Variants in NRXN3 observed in about 807,000 individuals in gnomAD.
The protein encoded by NRXN3 is neurexin III.
NRXN3 carries 32 observed loss-of-function variants against 137.6 expected under a neutral mutation model. The observed-to-expected ratio is 0.23, with a 90% CI of 0.18 to 0.31. The LOEUF (loss-of-function observed/expected upper bound fraction) is 0.31. Ranked by LOEUF, NRXN3 falls within the 10% of genes least tolerant of loss-of-function variation. NRXN3 has a pLI of 1.00. For synonymous variants in NRXN3, 798 were observed against 784.5 expected, an observed-to-expected ratio of 1.02 and a Z score of -0.29; for missense variants, 1,574 against 2,062.5, an observed-to-expected ratio of 0.76 and a Z score of 4.59.
chr14:79,224,796 T>A (rs1359897806), intron 15 of NRXN3, among the ~76,000 whole-genome samples: 1 of 152,048 alleles, frequency 6.6e-6, no homozygotes, highest in African/African-American at 2.4e-5. Context: ...TGGCCAGTAA[T>A]GATGAAGGCA....
intron 6 of NRXN3, among the ~76,000 whole-genome samples, chr14:78,689,950 C>T (rs1182769765): frequency 6.6e-6 from 1 of 151,884 alleles, no homozygotes; most frequent in African/African-American, 2.4e-5. Context: ...CTCACTTCTC[C>T]AACTCAGTTC....
rs1034800218 is a variant in NRXN3 at position 79,085,532 on chromosome 14, GTCT to G, written c.3262+97397_3262+97399del. Among the ~76,000 whole-genome samples the G allele has an allele frequency of 1.2e-4, 19 of 152,182 alleles. 1 individual carries two copies. The highest frequency in any genetic ancestry group is 4.6e-4 in the Admixed American group (7 of 15,274). On this transcript the variant is annotated intron_variant, in intron 15 of 20. Transcript: ENST00000335750. ...TATTTTTACTGTTAATGGGAAAATGGTCTTCTTCAAAAAGGAAAAATCAAACTT... is the reference window on the plus strand; with the variant it reads ...TATTTTTACTGTTAATGGGAAAATGGTCTTCAAAAAGGAAAAATCAAACTT...
chr14:79,276,720 A>AG (rs1179950885), intron 15 of NRXN3, among the ~76,000 whole-genome samples: 1 of 151,904 alleles, frequency 6.6e-6, no homozygotes, highest in Non-Finnish European at 1.5e-5. Flanking sequence ...AAAAAAAAAA[A>AG]AAAAAAAGAA....
intron 4 of NRXN3, among the ~76,000 whole-genome samples, chr14:78,616,012 C>T (rs1601411491): frequency 6.6e-6 from 1 of 152,182 alleles, no homozygotes; most frequent in Non-Finnish European, 1.5e-5. Flanking sequence ...ATGTCTCCAT[C>T]TCTACTGTCA....
At chr14:79,672,284 T>C (rs964419810) in intron 17 of NRXN3, among the ~76,000 whole-genome samples, 7 of 152,066 alleles carry the variant, frequency 4.6e-5, no homozygotes, top group African/African-American at 1.7e-4. Flanking sequence ...TTAAATGTTA[T>C]AAATATTATA....
chr14:79,240,015 G>GA (rs1247229149), intron 15 of NRXN3, among the ~76,000 whole-genome samples: 1 of 152,102 alleles, frequency 6.6e-6, no homozygotes, highest in African/African-American at 2.4e-5. Flanking sequence ...TGGGTAGGGG[G>GA]AATGGAGAGA....
rs570932289 is a variant in NRXN3, at chr14:78,437,943, A to T, written c.757+140083A>T. Among the ~76,000 whole-genome samples, 3 of 152,268 alleles carry T rather than the reference A, an allele frequency of 2.0e-5. No homozygotes were observed. In the East Asian group the frequency reaches 5.8e-4, roughly 29 times the overall value. On this transcript the variant is annotated intron_variant, in intron 4 of 20. Transcript: ENST00000335750. ...GAGAGTAGGGTTATTCTGCAAACAG[A>T]CTTAATTTTAGAAAGATCTTTCTGG...
At chr14:78,708,127 C>T (rs974000254) in intron 6 of NRXN3, among the ~76,000 whole-genome samples, 3 of 152,156 alleles carry the variant, frequency 2.0e-5, no homozygotes, top group African/African-American at 7.2e-5. Context: ...GATCTCCACA[C>T]TGTTTTCCAT....
At chr14:79,623,834 G>A (rs2098250523) in intron 16 of NRXN3, among the ~76,000 whole-genome samples, 3 of 144,998 alleles carry the variant, frequency 2.1e-5, no homozygotes, top group African/African-American at 5.2e-5. Context: ...AGAAATCACT[G>A]AGTCCTTAGC....
intron 16 of NRXN3, among the ~76,000 whole-genome samples, chr14:79,581,813 T>C (rs2097718942): frequency 6.6e-6 from 1 of 152,242 alleles, no homozygotes; most frequent in Admixed American, 6.5e-5. Flanking sequence ...TTTAGAATTG[T>C]TATCTAATAG....
intron 15 of NRXN3, among the ~76,000 whole-genome samples, chr14:79,345,023 G>A (rs775306295): frequency 2.6e-4 from 40 of 152,164 alleles, no homozygotes; most frequent in Non-Finnish European, 5.9e-5. Context: ...ATATGCTCTT[G>A]TAATTCTTTC....
intron 15 of NRXN3, among the ~76,000 whole-genome samples, chr14:79,346,500 C>T (rs992919314): frequency 2.6e-5 from 4 of 151,080 alleles, no homozygotes; most frequent in African/African-American, 9.7e-5. Context: ...ATGATCTTGC[C>T]AAAAAAAAGA....
chr14:78,847,408 G>A (rs1008809673), intron 10 of NRXN3, among the ~76,000 whole-genome samples: 1 of 152,036 alleles, frequency 6.6e-6, no homozygotes, highest in Non-Finnish European at 1.5e-5. Flanking sequence ...CCTTTCCCCA[G>A]CACTTAAGAG....
chr14:79,280,898 A>C, intron 15 of NRXN3: 1 of 210,494 alleles, frequency 4.8e-6, no homozygotes, highest in East Asian at 1.2e-4. Context: ...AGAAATATTC[A>C]TTCACCTTGC....
At chr14:78,458,293 T>G (rs2153714450) in intron 4 of NRXN3, among the ~76,000 whole-genome samples, 1 of 152,322 alleles carries the variant, frequency 6.6e-6, no homozygotes, top group South Asian at 2.1e-4. Flanking sequence ...ATGTGAGATA[T>G]TCACAGAGAA....
At chr14:79,086,366 C>T (rs1017383979) in intron 15 of NRXN3, among the ~76,000 whole-genome samples, 4 of 152,122 alleles carry the variant, frequency 2.6e-5, no homozygotes, top group Non-Finnish European at 5.9e-5. Flanking sequence ...GGCCATCCCT[C>T]GCTTTAACTT....
chr14:79,372,016 T>G (rs2094125525), intron 15 of NRXN3, among the ~76,000 whole-genome samples: 1 of 152,190 alleles, frequency 6.6e-6, no homozygotes, highest in Non-Finnish European at 1.5e-5. Flanking sequence ...ACTTCATTTG[T>G]TGAACAATTT....
intron 15 of NRXN3, among the ~76,000 whole-genome samples, chr14:79,257,414 G>A (rs1597924616): frequency 3.1e-5 from 2 of 63,822 alleles, no homozygotes; most frequent in African/African-American, 6.1e-5. Flanking sequence ...TGGTGGTGGT[G>A]ATGGTGGTGA....
chr14:78,753,630 C>T (rs2098653872), intron 8 of NRXN3: 1 of 152,088 alleles, frequency 6.6e-6, no homozygotes, highest in African/African-American at 2.4e-5. Flanking sequence ...GCATGTGATA[C>T]ATTTAGTCAG....
Sources: gnomAD v4.1 joint callset for allele counts (sites outside exome capture counted in the v4.1 genomes callset) on GRCh38, gnomAD v4.1.1 for gene constraint, MANE v1.5 for transcripts, NCBI Gene and HGNC (gene_info 2026-07-23, HGNC 2026-07-21) for gene names.